Variants in TEAD1 observed in about 807,000 individuals in gnomAD.
TEAD1 encodes TEA domain transcription factor 1, also known as transcriptional enhancer factor TEF-1.
A neutral mutation model predicts 54.9 loss-of-function variants in TEAD1; 9 were observed. The ratio of observed to expected loss-of-function variants is 0.16; its 90% confidence interval spans 0.10 to 0.29. The LOEUF is 0.29. TEAD1 is among the 10% of genes least tolerant of loss of function. TEAD1 has a pLI of 1.00. For synonymous variants in TEAD1, 200 were observed against 187.8 expected, an observed-to-expected ratio of 1.07 and a Z score of -0.53; for missense variants, 387 against 535.9, an observed-to-expected ratio of 0.72 and a Z score of 2.74.
intron 2 of TEAD1, among the ~76,000 whole-genome samples, chr11:12,760,349 A>C (rs1393711159): frequency 6.6e-6 from 1 of 152,230 alleles, no homozygotes; most frequent in African/African-American, 2.4e-5. Context: ...TAACAAATGA[A>C]AACCTGAGCT....
intron 12 of TEAD1, among the ~76,000 whole-genome samples, chr11:12,935,703 C>G (rs1398108008): frequency 6.6e-6 from 1 of 152,082 alleles, no homozygotes; most frequent in Non-Finnish European, 1.5e-5. Context: ...TGTGATCCAC[C>G]TGCATTGGCC....
At chr11:12,686,575 G>A (rs867968122) in intron 2 of TEAD1, among the ~76,000 whole-genome samples, 2 of 151,966 alleles carry the variant, frequency 1.3e-5, no homozygotes, top group South Asian at 4.2e-4. Context: ...CTGAAAGGTT[G>A]GTTTGTACTG....
intron 10 of TEAD1, among the ~76,000 whole-genome samples, chr11:12,918,378 A>G (rs1354671489): frequency 6.6e-6 from 1 of 151,472 alleles, no homozygotes; most frequent in South Asian, 2.1e-4. Flanking sequence ...TTTTACATCA[A>G]TACTTCCTCC....
intron 3 of TEAD1, among the ~76,000 whole-genome samples, chr11:12,791,780 CTTAA>C (rs1253298583): frequency 6.6e-6 from 1 of 152,086 alleles, no homozygotes; most frequent in African/African-American, 2.4e-5. Flanking sequence ...AAAATGCATC[CTTAA>C]TTAATAGGCA....
chr11:12,679,789 A>T (rs1378725117), intron 2 of TEAD1, among the ~76,000 whole-genome samples: 3 of 152,184 alleles, frequency 2.0e-5, no homozygotes, highest in Non-Finnish European at 2.9e-5. Flanking sequence ...AAATTTGAAA[A>T]GTTCATCCAA....
At chr11:12,687,861 G>A (rs1436817841) in intron 2 of TEAD1, among the ~76,000 whole-genome samples, 1 of 152,136 alleles carries the variant, frequency 6.6e-6, no homozygotes, top group Non-Finnish European at 1.5e-5. Context: ...TATACTCACC[G>A]TTGAGAGAGA....
At chr11:12,926,894 A>C (rs187362585) in intron 11 of TEAD1, among the ~76,000 whole-genome samples, 202 of 152,318 alleles carry the variant, frequency 1.3e-3, no homozygotes, top group Non-Finnish European at 2.1e-3. Flanking sequence ...GCCTCTAAGA[A>C]GGAGGAAGCA....
chr11:12,765,105 A>G (rs1392574071), intron 3 of TEAD1, among the ~76,000 whole-genome samples: 1 of 151,984 alleles, frequency 6.6e-6, no homozygotes, highest in African/African-American at 2.4e-5. Context: ...GTTGCCTTGA[A>G]AGGCATTCTG....
chr11:12,923,024 GCA>G (rs1564991966), intron 10 of TEAD1: 2 of 151,008 alleles, frequency 1.3e-5, no homozygotes, highest in Admixed American at 1.3e-4. Context: ...AACCACCACG[GCA>G]GTCCACATTT....
intron 10 of TEAD1, among the ~76,000 whole-genome samples, chr11:12,917,454 T>C (rs977778479): frequency 5.3e-5 from 8 of 152,194 alleles, no homozygotes; most frequent in African/African-American, 1.9e-4. Flanking sequence ...ACTAAATGTG[T>C]GATAATTTGT....
intron 2 of TEAD1, among the ~76,000 whole-genome samples, chr11:12,739,307 TA>T (rs1812389167): frequency 6.6e-6 from 1 of 152,206 alleles, no homozygotes; most frequent in Non-Finnish European, 1.5e-5. Flanking sequence ...ACATAAAAGT[TA>T]CCATCTTCAT....
intron 3 of TEAD1, among the ~76,000 whole-genome samples, chr11:12,826,216 A>AT (rs1051651021): frequency 2.0e-5 from 3 of 152,222 alleles, no homozygotes; most frequent in Non-Finnish European, 4.4e-5. Context: ...TGAGCACATT[A>AT]TTTAACTATA....
intron 3 of TEAD1, among the ~76,000 whole-genome samples, chr11:12,793,564 T>C (rs1590157595): frequency 1.3e-5 from 2 of 152,356 alleles, no homozygotes; most frequent in South Asian, 4.2e-4. Context: ...CTTTAGAGTA[T>C]TGTCTGTCTT....
chr11:12,682,915 A>G (rs921183282), intron 2 of TEAD1, among the ~76,000 whole-genome samples: 1 of 152,052 alleles, frequency 6.6e-6, no homozygotes. Context: ...TGAAATTGGG[A>G]TGTGTTTGAC....
At chr11:12,766,592 A>G (rs1318599450) in intron 3 of TEAD1, among the ~76,000 whole-genome samples, 1 of 152,192 alleles carries the variant, frequency 6.6e-6, no homozygotes. Flanking sequence ...TCACTGAGCA[A>G]GAGGGTCAGT....
At chr11:12,693,337 C>T (rs1181697694) in intron 2 of TEAD1, among the ~76,000 whole-genome samples, 3 of 152,152 alleles carry the variant, frequency 2.0e-5, no homozygotes, top group Admixed American at 1.3e-4. Flanking sequence ...AGTTCCAATG[C>T]GAGTCCTTTA....
intron 2 of TEAD1, among the ~76,000 whole-genome samples, chr11:12,676,231 T>C (rs117326997): frequency 0.013 from 1,943 of 152,350 alleles, 24 homozygotes; most frequent in Non-Finnish European, 0.022. Flanking sequence ...CACAGATTTC[T>C]TTCTCCCCGC....
Position 12,773,218 on chromosome 11 carries a change from A to C in TEAD1, c.202+8784A>C, listed in dbSNP as rs144599044. ...CTGATTCCAGTGTTCAGGCATTTCA[A>C]ATCCACTGTGAACATACACGTATAG... On this transcript the variant is annotated intron_variant, in intron 3 of 12. Coordinates refer to ENST00000527636, the MANE Select transcript of TEAD1 (RefSeq NM_021961.6). 5.9e-4 allele frequency among the ~76,000 whole-genome samples: 90 copies of C among 152,350 alleles called. 1 individual carries two copies. The highest frequency in any genetic ancestry group is 2.0e-3 in the African/African-American group (83 of 41,590).
chr11:12,839,066 A>C (rs948501730), intron 3 of TEAD1, among the ~76,000 whole-genome samples: 1 of 152,120 alleles, frequency 6.6e-6, no homozygotes, highest in Non-Finnish European at 1.5e-5. Flanking sequence ...CAATTCCCAA[A>C]TATTCTTTTT....
Sources: gnomAD v4.1 joint callset for allele counts (sites outside exome capture counted in the v4.1 genomes callset) on GRCh38, gnomAD v4.1.1 for gene constraint, MANE v1.5 for transcripts, NCBI Gene and HGNC (gene_info 2026-07-23, HGNC 2026-07-21) for gene names.